MRRF: variants seen among roughly 807,000 people sequenced by gnomAD.
MRRF encodes mitochondrial ribosome recycling factor.
Under a neutral mutation model 25.1 loss-of-function variants are expected in MRRF, and 18 were observed. The ratio of observed to expected loss-of-function variants is 0.72; its 90% CI spans 0.50 to 1.06. The LOEUF is 1.06. Ranked by LOEUF, MRRF falls within the 50% of genes least tolerant of loss-of-function variation. The pLI is 0.00. For missense variants in MRRF, 323 were observed against 319.3 expected (o/e 1.01, Z -0.09); for synonymous variants, 113 against 112.1 (o/e 1.01, Z -0.05).
intron 1 of MRRF, 53 bp downstream of exon 1, chr9:122,264,991 A>T (rs547179789): frequency 6.6e-6 from 1 of 151,648 alleles, no homozygotes; most frequent in East Asian, 2.0e-4. Flanking sequence ...GGTGCCAGAG[A>T]CCCTTACTCA....
chr9:122,291,723 T>C, intron 4 of MRRF, 26 bp from the exon 5 acceptor site: 1 of 1,514,312 alleles, frequency 6.6e-7, no homozygotes, highest in South Asian at 1.1e-5. Context: ...TTACTAATTC[T>C]GTTTACCTTT....
intron 4 of MRRF, among the ~76,000 whole-genome samples, chr9:122,286,924 T>G (rs898202656): frequency 1.6e-4 from 25 of 152,312 alleles, no homozygotes; most frequent in African/African-American, 5.5e-4. Context: ...CTTGTGCCAC[T>G]GTCATCCTTG....
At chr9:122,307,451 T>C (rs1225308673) in intron 5 of MRRF, among the ~76,000 whole-genome samples, 1 of 152,220 alleles carries the variant, frequency 6.6e-6, no homozygotes, top group Non-Finnish European at 1.5e-5. Context: ...CTCAGTTGCC[T>C]AAGCACCAAG....
intron 2 of MRRF, among the ~76,000 whole-genome samples, chr9:122,277,612 G>T (rs535415426): frequency 9.2e-5 from 14 of 152,238 alleles, no homozygotes; most frequent in Admixed American, 3.3e-4. Context: ...ATGCAGTGGT[G>T]CAGTGTCGGC....
At chr9:122,282,169 G>A (rs10818673) in intron 3 of MRRF, among the ~76,000 whole-genome samples, 43,845 of 151,940 alleles carry the variant, frequency 0.29, 8,440 homozygotes, top group African/African-American at 0.55. Flanking sequence ...AGATTGTTCC[G>A]TTTTATCTTT....
At chr9:122,322,210 A>T (rs1193139397) in intron 6 of MRRF, among the ~76,000 whole-genome samples, 1 of 152,124 alleles carries the variant, frequency 6.6e-6, no homozygotes, top group Non-Finnish European at 1.5e-5. Flanking sequence ...AATACAAAAA[A>T]AAATTAGCCG....
At chr9:122,273,165 C>T (rs994129433) in intron 2 of MRRF, among the ~76,000 whole-genome samples, 1 of 152,162 alleles carries the variant, frequency 6.6e-6, no homozygotes. Flanking sequence ...ACAGCTCTTG[C>T]ACAAGGCCAG....
At chr9:122,283,329 G>A (rs1259765490) in intron 3 of MRRF, among the ~76,000 whole-genome samples, 3 of 152,134 alleles carry the variant, frequency 2.0e-5, no homozygotes, top group East Asian at 3.9e-4. Context: ...TCCTGACCTC[G>A]TGATCCACCC....
chr9:122,298,542 C>T (rs768710061), intron 5 of MRRF, among the ~76,000 whole-genome samples: 2 of 152,206 alleles, frequency 1.3e-5, no homozygotes, highest in African/African-American at 4.8e-5. Flanking sequence ...CTTTGCATGT[C>T]GGTCTTCAAT....
chr9:122,306,864 G>A (rs1345684319), intron 5 of MRRF, among the ~76,000 whole-genome samples: 1 of 152,108 alleles, frequency 6.6e-6, no homozygotes, highest in Non-Finnish European at 1.5e-5. Flanking sequence ...ATTTCAGAAT[G>A]GTATGTCTGG....
At chr9:122,320,683 C>T (rs991535679) in intron 6 of MRRF, among the ~76,000 whole-genome samples, 7 of 152,250 alleles carry the variant, frequency 4.6e-5, no homozygotes, top group Non-Finnish European at 1.0e-4. Flanking sequence ...AAAAAATGCA[C>T]AGCTGTTGCT....
intron 2 of MRRF, among the ~76,000 whole-genome samples, chr9:122,277,089 G>T (rs559805274): frequency 1.3e-5 from 2 of 152,178 alleles, no homozygotes; most frequent in African/African-American, 4.8e-5. Context: ...TGAACTGCTG[G>T]GATCAAGCAA....
chr9:122,313,968 G>C (rs1835362466), intron 6 of MRRF, among the ~76,000 whole-genome samples: 2 of 152,132 alleles, frequency 1.3e-5, no homozygotes, highest in Admixed American at 1.3e-4. Flanking sequence ...TTTGAACGTA[G>C]GATAAGACTA....
chr9:122,274,357 AT>A (rs1832644764), intron 2 of MRRF, among the ~76,000 whole-genome samples: 1 of 152,208 alleles, frequency 6.6e-6, no homozygotes, highest in Non-Finnish European at 1.5e-5. Flanking sequence ...TGGGTAATTT[AT>A]AAAGGAAAAA....
In MRRF at chr9:122,302,631, A is replaced by C. The variant is rs1356036615; in HGVS notation, c.552-10596A>C. Among the ~76,000 whole-genome samples the C allele has an allele frequency of 8.6e-5, 13 of 151,944 alleles. No homozygotes were observed. In the South Asian group the frequency reaches 2.7e-3, roughly 32 times the overall value. ...GTTGATGGCCATTTGGGTTTTTTCT[A>C]CTTTGGGGCTGTTAAATGAATACCA... On this transcript the variant is annotated intron_variant, in intron 5 of 6. Coordinates refer to ENST00000344641, the MANE Select transcript of MRRF (RefSeq NM_138777.5).
chr9:122,273,884 A>G (rs1832617906), intron 2 of MRRF, among the ~76,000 whole-genome samples: 2 of 152,282 alleles, frequency 1.3e-5, no homozygotes, highest in South Asian at 4.1e-4. Context: ...TATTTTTTTA[A>G]TGATATTCTA....
chr9:122,314,822 GA>G (rs953713500), intron 6 of MRRF, among the ~76,000 whole-genome samples: 53 of 152,298 alleles, frequency 3.5e-4, no homozygotes, highest in Non-Finnish European at 7.4e-4. Context: ...GGCACCTGTG[GA>G]AAGATGTGGA....
chr9:122,291,881 T>G, intron 5 of MRRF, 41 bp downstream of exon 5: 1 of 1,419,428 alleles, frequency 7.0e-7, no homozygotes, highest in Non-Finnish European at 1.0e-6. Flanking sequence ...TGAAACGGGG[T>G]GGTTGTCCTT....
In MRRF at chr9:122,299,872, A is replaced by G. The variant is rs557847780; in HGVS notation, c.551+8032A>G. ...TCAATTAATCTGTCTCTGTGGTTAGACAGAGATTGATGGGCTTTGGGGTTA... is the reference window on the plus strand; with the variant it reads ...TCAATTAATCTGTCTCTGTGGTTAGGCAGAGATTGATGGGCTTTGGGGTTA... On this transcript the variant is annotated intron_variant, in intron 5 of 6. Transcript: ENST00000344641. 2.1e-5 allele frequency among the ~76,000 whole-genome samples: 3 copies of G among 142,968 alleles called. No homozygotes were observed. The South Asian group carries it at 7.0e-4, about 33-fold the overall frequency. 93.8% of individuals were successfully genotyped at this position (142,968 alleles called of 152,430 possible).
Sources: allele counts gnomAD v4.1 joint callset (sites outside exome capture counted in the v4.1 genomes callset), GRCh38; gene constraint gnomAD v4.1.1; transcripts MANE v1.5; gene names NCBI Gene and HGNC (gene_info 2026-07-23, HGNC 2026-07-21).